RSPH14: variants seen among roughly 807,000 people sequenced by gnomAD.
RSPH14 encodes rhabdoid tumor deletion region gene 1.
RSPH14 carries 20 observed loss-of-function variants against 26.7 expected under a neutral mutation model. The ratio of observed to expected loss-of-function variants is 0.75; its 90% CI spans 0.53 to 1.09. The LOEUF is 1.09. RSPH14 is among the 50% of genes least tolerant of loss of function. The probability of loss-of-function intolerance (pLI) is 0.00; values close to 1 mark genes in which losing one functional copy is unlikely to be tolerated. For synonymous variants in RSPH14, 177 were observed against 189.3 expected, an observed-to-expected ratio of 0.93 and a Z score of 0.53; for missense variants, 449 against 457.2, an observed-to-expected ratio of 0.98 and a Z score of 0.16.
chr22:23,093,670 G>A (rs1169343411), intron 4 of RSPH14, among the ~76,000 whole-genome samples: 1 of 152,222 alleles, frequency 6.6e-6, no homozygotes, highest in Non-Finnish European at 1.5e-5. Flanking sequence ...TGAGGGACAG[G>A]CTCTGAGATG....
chr22:23,171,154 G>A, the RSPH14 span, among the ~76,000 whole-genome samples: 71 of 152,060 alleles, frequency 4.7e-4, no homozygotes, highest in South Asian at 0.015. Flanking sequence ...TTTTAGTAGA[G>A]ACAAGGTTTC....
chr22:23,128,914 A>G (rs989131618), intron 4 of RSPH14, among the ~76,000 whole-genome samples: 1 of 152,118 alleles, frequency 6.6e-6, no homozygotes, highest in African/African-American at 2.4e-5. Context: ...CCATGGTGAA[A>G]ACGGCCTTCC....
chr22:23,156,074 C>T, the RSPH14 span: 105 of 1,558,820 alleles, frequency 6.7e-5, 2 homozygotes, highest in South Asian at 7.4e-4. Context: ...CATGCAGCAG[C>T]GGGGTCCCTG....
At chr22:23,175,223 A>C in the RSPH14 span, among the ~76,000 whole-genome samples, 2 of 152,036 alleles carry the variant, frequency 1.3e-5, no homozygotes, top group South Asian at 4.2e-4. Context: ...TGGTCTCGAT[A>C]TCCTGACCTC....
intron 4 of RSPH14, among the ~76,000 whole-genome samples, chr22:23,081,686 G>A (rs1228244331): frequency 6.6e-6 from 1 of 152,070 alleles, no homozygotes; most frequent in Non-Finnish European, 1.5e-5. Context: ...GCCAGCCATG[G>A]TGGTGGACAC....
At chr22:23,172,808 G>A in the RSPH14 span, among the ~76,000 whole-genome samples, 1 of 151,314 alleles carries the variant, frequency 6.6e-6, no homozygotes, top group African/African-American at 2.4e-5. Flanking sequence ...AAATTAGCCG[G>A]GTGTGGTGGC....
the RSPH14 span, among the ~76,000 whole-genome samples, chr22:23,151,076 G>A: frequency 3.3e-5 from 5 of 152,254 alleles, no homozygotes; most frequent in Non-Finnish European, 5.9e-5. Flanking sequence ...GTCTGCTCAG[G>A]GAGTTGGCTG....
At chr22:23,078,431 T>C (rs2068569364) in intron 4 of RSPH14, among the ~76,000 whole-genome samples, 1 of 152,164 alleles carries the variant, frequency 6.6e-6, no homozygotes, top group South Asian at 2.1e-4. Flanking sequence ...GGGCTGCCCT[T>C]GTCCCCCCAA....
chr22:23,111,921 TG>T (rs1365214033), intron 4 of RSPH14, among the ~76,000 whole-genome samples: 1 of 151,996 alleles, frequency 6.6e-6, no homozygotes, highest in East Asian at 1.9e-4. Flanking sequence ...GATCACAGAG[TG>T]TGTCACTAGG....
the RSPH14 span, among the ~76,000 whole-genome samples, chr22:23,174,565 G>A: frequency 1.3e-5 from 2 of 151,598 alleles, no homozygotes; most frequent in Admixed American, 6.6e-5. Context: ...GGAAATACTT[G>A]TTATCTAATT....
chr22:23,088,695 C>T (rs567950169), intron 4 of RSPH14, among the ~76,000 whole-genome samples: 1 of 152,334 alleles, frequency 6.6e-6, no homozygotes, highest in African/African-American at 2.4e-5. Flanking sequence ...CACCCCAAGC[C>T]TGGGACAGTG....
upstream of RSPH14, chr22:23,145,466 G>C (rs746854024): frequency 1.2e-6 from 2 of 1,609,880 alleles, no homozygotes; most frequent in Non-Finnish European, 1.7e-6. Flanking sequence ...CGCAGGTCCC[G>C]CGTGGCTCTC....
chr22:23,125,404 G>A (rs1248424826), intron 4 of RSPH14, among the ~76,000 whole-genome samples: 2 of 152,158 alleles, frequency 1.3e-5, no homozygotes, highest in Admixed American at 1.3e-4. Flanking sequence ...ATCCTGCAGA[G>A]TGGAAGAGGT....
chr22:23,114,168 G>A (rs1006958714), intron 4 of RSPH14, among the ~76,000 whole-genome samples: 1 of 152,206 alleles, frequency 6.6e-6, no homozygotes, highest in African/African-American at 2.4e-5. Context: ...CTGCAGGCTG[G>A]GTGGCCGCAG....
chr22:23,179,562 G>A, the RSPH14 span: 1 of 152,330 alleles, frequency 6.6e-6, no homozygotes, highest in Middle Eastern at 3.1e-3. Context: ...GGTCGTCCTG[G>A]AAAAACTACA....
chr22:23,139,189 C>CT (rs1181703823), intron 2 of RSPH14, among the ~76,000 whole-genome samples: 2 of 152,258 alleles, frequency 1.3e-5, no homozygotes, highest in Non-Finnish European at 2.9e-5. Context: ...CTCACAAAGT[C>CT]TGTCATGAGG....
chr22:23,096,536 G>A lies in RSPH14; in HGVS notation c.422-32403C>T, dbSNP rs1386679074. The A allele has an allele frequency of 2.8e-6, 3 of 1,085,686 alleles. No homozygotes were observed. The African/African-American group carries it at 4.7e-5, about 17-fold the overall frequency. 67.3% of individuals were successfully genotyped at this position (1,085,686 alleles called of 1,614,324 possible). ...CAGAAAGGGAACCAGGCGCAGGCCT[G>A]GCCCTGCTGCACGATAACTGAGGCA... is the stretch of plus-strand genomic sequence containing the variant. On this transcript the variant is annotated intron_variant, in intron 4 of 6. Coordinates refer to ENST00000216036, the MANE Select transcript of RSPH14 (RefSeq NM_014433.3).
rs1003657330 is a variant in RSPH14, at chr22:23,071,768, G to A, written c.422-7635C>T. 1.3e-5 allele frequency among the ~76,000 whole-genome samples: 2 copies of A among 152,202 alleles called. No individual in the cohort carries two copies. The highest frequency in any genetic ancestry group is 2.9e-5 in the Non-Finnish European group (2 of 68,040). On this transcript the variant is annotated intron_variant, in intron 4 of 6. Coordinates refer to ENST00000216036, the MANE Select transcript of RSPH14 (RefSeq NM_014433.3). The surrounding 1 kb of genome is among the most constrained non-coding windows in gnomAD (Gnocchi z 4.1). ...GGCTGGGGGGTCAGGTGAGCTCGTG[G>A]GCAACATGACATTTGAACTGGAGCT...
At position 23,094,130 on chromosome 22, in the gene RSPH14, T is replaced by A. The variant is rs141306430; in HGVS notation, c.422-29997A>T. 6.3e-4 allele frequency among the ~76,000 whole-genome samples: 95 copies of A among 151,826 alleles called. 1 individual carries two copies. Among genetic ancestry groups the A allele is most frequent in the Middle Eastern group, 6.8e-3 (2 of 294 alleles). On this transcript the variant is annotated intron_variant, in intron 4 of 6. Coordinates refer to ENST00000216036, the MANE Select transcript of RSPH14 (RefSeq NM_014433.3). ...TCCCACCCCAGGGCCTGTCACAGAG[T>A]TGATGGGTGGTATTAAAGGGGCGAA...
Sources: gnomAD v4.1 joint callset for allele counts (sites outside exome capture counted in the v4.1 genomes callset) on GRCh38, gnomAD v4.1.1 for gene constraint, Gnocchi (gnomAD v3.1) non-coding constraint, MANE v1.5 for transcripts, NCBI Gene and HGNC (gene_info 2026-07-23, HGNC 2026-07-21) for gene names.